GABRG1: variants seen among roughly 807,000 people sequenced by gnomAD.
GABRG1 encodes gamma-aminobutyric acid receptor subunit gamma-1.
In GABRG1, 49 loss-of-function variants were observed where a neutral mutation model predicts 49.8. The observed-to-expected ratio is 0.98, with a 90% CI of 0.78 to 1.25. The LOEUF is 1.25. Among genes scored for constraint, GABRG1 ranks in the 50% most tolerant of loss-of-function variants. The pLI is 0.00. For synonymous variants in GABRG1, 232 were observed against 185.1 expected (o/e 1.25, Z -2.06); for missense variants, 552 against 552.3 (o/e 1.00, Z 0.01).
intron 1 of GABRG1, among the ~76,000 whole-genome samples, chr4:46,107,770 A>T (rs1180599005): frequency 6.6e-6 from 1 of 151,134 alleles, no homozygotes; most frequent in African/African-American, 2.4e-5. Flanking sequence ...CAAACTTTCC[A>T]ACTGAACAAT....
rs150075995 is a variant in GABRG1, at chr4:46,041,153, A to C, written c.1233T>G (p.Asp411Glu). 26 of 1,613,054 alleles carry C rather than the reference A, an allele frequency of 1.6e-5. No homozygotes were observed. The highest frequency in any genetic ancestry group is 2.2e-5 in the Non-Finnish European group (26 of 1,179,414). ...DYGYQCLEGK[D>E]CASFFCCFED... ...CAAAGCAACAGAAGAAGCTGGCACA[A>C]TCTTTGCCCTCCAAACACTGATACC... Residue 411 changes from aspartate (D) to glutamate (E), a missense_variant, in exon 9 of 9, where the codon GAT becomes GAG. Physicochemically the swap from Asp to Glu is conservative, Grantham distance 45. Coordinates refer to ENST00000295452, the MANE Select transcript of GABRG1 (RefSeq NM_173536.4).
intron 2 of GABRG1, among the ~76,000 whole-genome samples, chr4:46,092,156 G>A (rs1163990779): frequency 6.6e-6 from 1 of 151,900 alleles, no homozygotes; most frequent in Non-Finnish European, 1.5e-5. Flanking sequence ...AAGAAATACT[G>A]CAGAGAATAT....
intron 8 of GABRG1, among the ~76,000 whole-genome samples, chr4:46,048,724 C>T (rs181509917): frequency 1.1e-4 from 17 of 150,744 alleles, no homozygotes; most frequent in East Asian, 9.8e-4. Flanking sequence ...AAATAGAAAG[C>T]GAGCAAAAAA....
At chr4:46,077,117 A>C (rs1163282634) in intron 3 of GABRG1, among the ~76,000 whole-genome samples, 1 of 135,036 alleles carries the variant, frequency 7.4e-6, no homozygotes, top group Non-Finnish European at 1.5e-5. Flanking sequence ...ACATGGACAC[A>C]GGAAGGGGAA....
Position 46,097,363 on chromosome 4 carries a change from A to G in GABRG1, c.105-14T>C, listed in dbSNP as rs1720200908. On this transcript the variant is annotated splice_polypyrimidine_tract_variant and intron_variant, in intron 1 of 8. Coordinates refer to ENST00000295452, the MANE Select transcript of GABRG1 (RefSeq NM_173536.4). ...GCCTTATCAACACTAAATAATTCAAAGAAAAAAATGGATGGTAGAAGGTTC... is the reference window on the plus strand; with the variant it reads ...GCCTTATCAACACTAAATAATTCAAGGAAAAAAATGGATGGTAGAAGGTTC... 1.9e-6 allele frequency: 3 copies of G among 1,595,136 alleles called. No individual in the cohort carries two copies. The highest frequency in any genetic ancestry group is 1.4e-5 in the African/African-American group (1 of 73,572).
chr4:46,121,558 T>G lies in GABRG1; in HGVS notation c.104+2252A>C, dbSNP rs1312363166. On this transcript the variant is annotated intron_variant, in intron 1 of 8. Transcript: ENST00000295452. ...GAGAAAGAAACATGTTCTAATAACA[T>G]TCTCATGGTTTGCCTACAAAAGTGT... 2.0e-5 allele frequency among the ~76,000 whole-genome samples: 3 copies of G among 152,194 alleles called. No individual in the cohort carries two copies. The East Asian group carries it at 5.8e-4, about 29-fold the overall frequency.
chr4:46,085,920 C>G (rs1308342063), intron 2 of GABRG1, among the ~76,000 whole-genome samples: 2 of 151,366 alleles, frequency 1.3e-5, no homozygotes, highest in Admixed American at 6.6e-5. Context: ...ATAAAACTAA[C>G]AGAAAATTGT....
At chr4:46,066,429 C>CT (rs1042149582) in intron 3 of GABRG1, among the ~76,000 whole-genome samples, 131 of 152,160 alleles carry the variant, frequency 8.6e-4, no homozygotes, top group African/African-American at 2.8e-3. Context: ...CTCACTAAAT[C>CT]TTTATTGCAA....
intron 3 of GABRG1, among the ~76,000 whole-genome samples, chr4:46,083,694 T>G (rs1426778501): frequency 6.6e-6 from 1 of 151,216 alleles, no homozygotes; most frequent in Non-Finnish European, 1.5e-5. Context: ...ACTTCCTGAT[T>G]TTTTTTCTTT....
chr4:46,037,997 A>G lies in GABRG1; in HGVS notation c.*2991T>C, dbSNP rs553497428. 1 of 151,834 alleles carries G rather than the reference A, an allele frequency of 6.6e-6. No homozygotes were observed. Among genetic ancestry groups the G allele is most frequent in the Admixed American group, 6.6e-5 (1 of 15,190 alleles). The allele number at this position is 151,834 out of a possible 1,614,324, so 9.4% of individuals were successfully genotyped here. A position where few individuals can be genotyped will look rare whatever the true frequency, so the allele number is the denominator to read the frequency against. On this transcript the variant is annotated 3_prime_UTR_variant, in exon 9 of 9. Transcript: ENST00000295452. ...AGAATATGGAAACACAAGTGAAAAA[A>G]TCCTTATGATTGCCTTCATATTTAT... is the stretch of plus-strand genomic sequence containing the variant.
intron 5 of GABRG1, among the ~76,000 whole-genome samples, chr4:46,062,769 C>G (rs1345482993): frequency 6.6e-6 from 1 of 152,046 alleles, no homozygotes; most frequent in African/African-American, 2.4e-5. Flanking sequence ...CTAGAAAACC[C>G]CATTGTCTCA....
At chr4:46,104,658 T>C (rs1267513754) in intron 1 of GABRG1, among the ~76,000 whole-genome samples, 1 of 151,520 alleles carries the variant, frequency 6.6e-6, no homozygotes, top group Admixed American at 6.6e-5. Flanking sequence ...TTTTGCCTTA[T>C]GTAAACTACA....
intron 2 of GABRG1, among the ~76,000 whole-genome samples, chr4:46,094,240 A>G (rs1161595562): frequency 6.6e-6 from 1 of 152,054 alleles, no homozygotes; most frequent in Non-Finnish European, 1.5e-5. Context: ...TATAACTTAA[A>G]GACAAAAAAT....
At chr4:46,084,105 T>C in intron 2 of GABRG1, 52 bp from the exon 3 acceptor site, 1 of 1,001,572 alleles carries the variant, frequency 1.0e-6, no homozygotes, top group Non-Finnish European at 1.5e-6. Flanking sequence ...GACATTGTTT[T>C]AAATAAATCT....
intron 2 of GABRG1, among the ~76,000 whole-genome samples, chr4:46,096,564 G>A (rs1560369095): frequency 6.6e-6 from 1 of 151,516 alleles, no homozygotes; most frequent in Non-Finnish European, 1.5e-5. Flanking sequence ...ACACACTTCT[G>A]TCTAGCTTTC....
intron 1 of GABRG1, 123 bp downstream of exon 1, chr4:46,123,687 T>C: frequency 1.5e-6 from 1 of 652,896 alleles, no homozygotes; most frequent in Admixed American, 2.9e-5. Flanking sequence ...CGATGGTAAA[T>C]ACCACATATG....
chr4:46,063,794 T>C (rs1440875128), intron 5 of GABRG1, among the ~76,000 whole-genome samples: 1 of 152,122 alleles, frequency 6.6e-6, no homozygotes, highest in African/African-American at 2.4e-5. Flanking sequence ...GACAAAGGGC[T>C]AATATCCAGA....
intron 1 of GABRG1, 53 bp from the exon 2 acceptor site, chr4:46,097,402 A>G: frequency 6.6e-7 from 1 of 1,526,560 alleles, no homozygotes; most frequent in East Asian, 2.3e-5. Context: ...CAAATCATGT[A>G]TAAAAGTATA....
chr4:46,102,150 G>T (rs1283049864), intron 1 of GABRG1, among the ~76,000 whole-genome samples: 2 of 151,592 alleles, frequency 1.3e-5, no homozygotes, highest in East Asian at 3.9e-4. Context: ...ATTTTAGAGA[G>T]AGGTAGAATA....
Sources: allele counts gnomAD v4.1 joint callset (sites outside exome capture counted in the v4.1 genomes callset), GRCh38; gene constraint gnomAD v4.1.1; transcripts MANE v1.5; gene names NCBI Gene and HGNC (gene_info 2026-07-23, HGNC 2026-07-21).